The following DHRS9 variants were observed in gnomAD, a reference collection of about 807,000 sequenced individuals.
DHRS9 encodes dehydrogenase/reductase SDR family member 9.
Under a neutral mutation model 26.6 loss-of-function variants are expected in DHRS9, and 18 were observed. That is an observed-to-expected ratio of 0.68 (90% CI 0.47 to 1.00). The LOEUF (loss-of-function observed/expected upper bound fraction) is 1.00, where lower values mean the gene tolerates loss of function less well. Ranked by LOEUF, DHRS9 falls within the 50% of genes least tolerant of loss-of-function variation. DHRS9 has a pLI of 0.00. For missense variants in DHRS9, 425 were observed against 378.7 expected, an observed-to-expected ratio of 1.12 and a Z score of -1.01; for synonymous variants, 134 against 141.1, an observed-to-expected ratio of 0.95 and a Z score of 0.36.
At chr2:169,073,914 G>A (rs976190397) in intron 1 of DHRS9, among the ~76,000 whole-genome samples, 2 of 152,130 alleles carry the variant, frequency 1.3e-5, no homozygotes, top group Non-Finnish European at 2.9e-5. Flanking sequence ...GGGATATTTT[G>A]TCCTCCAGGG....
At chr2:169,081,964 A>T (rs1684206578) in intron 2 of DHRS9, 70 bp downstream of exon 2, 2 of 1,452,678 alleles carry the variant, frequency 1.4e-6, no homozygotes, top group South Asian at 2.8e-5. Flanking sequence ...GCTAAATAAA[A>T]CATGCTCAAG....
intron 1 of DHRS9, among the ~76,000 whole-genome samples, chr2:169,079,195 C>T (rs1684066052): frequency 6.6e-6 from 1 of 151,504 alleles, no homozygotes; most frequent in South Asian, 2.1e-4. Flanking sequence ...TATAGATCTT[C>T]TGGGGGAAGA....
Position 169,081,773 on chromosome 2 carries a change from A to G in DHRS9, c.192A>G (p.Ser64=), listed in dbSNP as rs751371803. The change falls in exon 2 of 5, where the codon TCA becomes TCG. Residue 64 remains serine, a synonymous_variant. Coordinates refer to ENST00000674881, the MANE Select transcript of DHRS9 (RefSeq NM_001376924.1). ...TAATCGCTGCCTGTCTGACTGAATC[A>G]GGATCAACAGCTTTAAAGGCAGAAA... ...FHVIAACLTE[S]GSTALKAETS... 1.2e-6 allele frequency: 2 copies of G among 1,614,088 alleles called. No homozygotes were observed. Among genetic ancestry groups the G allele is most frequent in the South Asian group, 2.2e-5 (2 of 91,092 alleles).
intron 1 of DHRS9, among the ~76,000 whole-genome samples, chr2:169,079,096 C>A (rs1049625902): frequency 1.3e-5 from 2 of 152,066 alleles, no homozygotes; most frequent in Non-Finnish European, 2.9e-5. Flanking sequence ...ATCTGCCCCC[C>A]TCTGCCTCCC....
intron 4 of DHRS9, among the ~76,000 whole-genome samples, chr2:169,093,384 T>C (rs527955302): frequency 6.6e-6 from 1 of 151,838 alleles, no homozygotes; most frequent in African/African-American, 2.4e-5. Context: ...GTACACACAT[T>C]ATCTATATAT....
At chr2:169,070,892 G>T in intron 1 of DHRS9, 1 of 309,984 alleles carries the variant, frequency 3.2e-6, no homozygotes, top group Non-Finnish European at 4.7e-6. Flanking sequence ...GTGAAACCTG[G>T]TCTCTACTAA....
chr2:169,080,749 T>C lies in DHRS9; in HGVS notation c.-59-774T>C, dbSNP rs553201678. Among the ~76,000 whole-genome samples, 34 of 152,344 alleles carry C rather than the reference T, an allele frequency of 2.2e-4. 1 individual carries two copies. Among genetic ancestry groups the C allele is most frequent in the African/African-American group, 7.7e-4 (32 of 41,578 alleles). ...CATACATTTGCTTGGCTTTATCCTTTGTCCATGTGATTTTTTTCTCACAGG... is the reference window on the plus strand; with the variant it reads ...CATACATTTGCTTGGCTTTATCCTTCGTCCATGTGATTTTTTTCTCACAGG... On this transcript the variant is annotated intron_variant, in intron 1 of 4. Coordinates refer to ENST00000674881, the MANE Select transcript of DHRS9 (RefSeq NM_001376924.1).
intron 1 of DHRS9, chr2:169,081,102 C>A (rs765726632): frequency 1.1e-5 from 11 of 985,126 alleles, no homozygotes; most frequent in Non-Finnish European, 1.3e-5. Context: ...ATTATTGTTT[C>A]TAATAGATTT....
chr2:169,093,977 A>G lies in DHRS9; in HGVS notation c.737-1567A>G, dbSNP rs183807065. Among the ~76,000 whole-genome samples, 3 of 152,314 alleles carry G rather than the reference A, an allele frequency of 2.0e-5. No homozygotes were observed. The East Asian group carries it at 5.8e-4, about 29-fold the overall frequency. ...TTTAAAAGTATGTGAGAATCATATGATAGCTCTACTTTGAATTTGGGGGGG... is the reference window on the plus strand; with the variant it reads ...TTTAAAAGTATGTGAGAATCATATGGTAGCTCTACTTTGAATTTGGGGGGG... On this transcript the variant is annotated intron_variant, in intron 4 of 4. Transcript: ENST00000674881.
intron 1 of DHRS9, among the ~76,000 whole-genome samples, chr2:169,073,555 TG>T (rs1372375365): frequency 6.6e-6 from 1 of 152,102 alleles, no homozygotes; most frequent in African/African-American, 2.4e-5. Flanking sequence ...CCAGAGGAGC[TG>T]GGGGTCAACA....
upstream of DHRS9, among the ~76,000 whole-genome samples, chr2:169,069,281 ACG>A (rs1683732445): frequency 6.6e-6 from 1 of 152,210 alleles, no homozygotes; most frequent in Admixed American, 6.5e-5. Context: ...TATTAAAACC[ACG>A]CACCAGGCAG....
chr2:169,072,500 A>G (rs757460322), intron 1 of DHRS9: 35 of 549,906 alleles, frequency 6.4e-5, no homozygotes, highest in Non-Finnish European at 8.1e-5. Context: ...AAACTGTGTC[A>G]TTTATTTTTA....
chr2:169,079,909 G>GA (rs1684099816), intron 1 of DHRS9, among the ~76,000 whole-genome samples: 1 of 84,932 alleles, frequency 1.2e-5, no homozygotes, highest in African/African-American at 6.5e-5. Flanking sequence ...GAGGGAGGGA[G>GA]GGAGGGAGGG....
intron 4 of DHRS9, among the ~76,000 whole-genome samples, chr2:169,095,282 T>G (rs1228988408): frequency 1.3e-5 from 2 of 152,188 alleles, no homozygotes; most frequent in Non-Finnish European, 2.9e-5. Flanking sequence ...TCAGAAACTC[T>G]GGAGGTGGAA....
In DHRS9 at chr2:169,091,936, A is replaced by C; in HGVS notation, c.719A>C (p.Glu240Ala). 6.2e-7 allele frequency: 1 copy of C among 1,613,784 alleles called. No homozygotes were observed. The highest frequency in any genetic ancestry group is 1.3e-5 in the African/African-American group (1 of 74,988). ...LSPDIKQQYG[E>A]GYIEKSLDKL... Reference sequence around the variant, plus strand: ...CCAGACATCAAACAACAATATGGAGAAGGTTACATTGAAAAAAGTGAGTTT... The same window carrying C: ...CCAGACATCAAACAACAATATGGAGCAGGTTACATTGAAAAAAGTGAGTTT... Residue 240 changes from glutamate (E) to alanine (A), a missense_variant, in exon 4 of 5, where the codon GAA becomes GCA. Glu to Ala is a moderately radical substitution (Grantham distance 107). Transcript: ENST00000674881.
At chr2:169,079,172 T>C (rs1275841535) in intron 1 of DHRS9, among the ~76,000 whole-genome samples, 1 of 152,136 alleles carries the variant, frequency 6.6e-6, no homozygotes, top group Non-Finnish European at 1.5e-5. Context: ...TTATCATTTT[T>C]TTTTTCTTTA....
intron 1 of DHRS9, among the ~76,000 whole-genome samples, chr2:169,072,024 TAAACA>T (rs1683822997): frequency 1.3e-5 from 2 of 150,054 alleles, no homozygotes; most frequent in African/African-American, 2.5e-5. Flanking sequence ...TTTTTTTTTT[TAAACA>T]AAACAAAACA....
At chr2:169,091,286 T>C (rs779007274) in intron 3 of DHRS9, among the ~76,000 whole-genome samples, 99 of 106,672 alleles carry the variant, frequency 9.3e-4, no homozygotes, top group Non-Finnish European at 1.6e-3. Context: ...TAAAATAAAA[T>C]AAAATAAAAT....
At chr2:169,070,126 G>C in intron 1 of DHRS9, 2 of 985,416 alleles carry the variant, frequency 2.0e-6, no homozygotes, top group Non-Finnish European at 2.4e-6. Context: ...TCTGTCAACT[G>C]CAGGTCTGAT....
Sources: gnomAD v4.1 joint callset for allele counts (sites outside exome capture counted in the v4.1 genomes callset) on GRCh38, gnomAD v4.1.1 for gene constraint, MANE v1.5 for transcripts, NCBI Gene and HGNC (gene_info 2026-07-23, HGNC 2026-07-21) for gene names.